CPS1: variants seen among roughly 807,000 people sequenced by gnomAD.
The protein encoded by CPS1 is carbamoyl-phosphate synthase [ammonia], mitochondrial.
CPS1 carries 109 observed loss-of-function variants against 174.6 expected under a neutral mutation model. The observed-to-expected ratio is 0.62, with a 90% CI of 0.53 to 0.73. The LOEUF is 0.73. CPS1 is among the 30% of genes least tolerant of loss of function. The pLI is 0.00. For missense variants in CPS1, 1,689 were observed against 1,821.9 expected, an observed-to-expected ratio of 0.93 and a Z score of 1.33; for synonymous variants, 637 against 632.0, an observed-to-expected ratio of 1.01 and a Z score of -0.12.
Position 210,594,600 on chromosome 2 carries a change from G to A in CPS1, c.1257G>A (p.Arg419=), listed in dbSNP as rs762316918. 3 of 1,609,354 alleles carry A rather than the reference G, an allele frequency of 1.9e-6. No individual in the cohort carries two copies. The South Asian group carries it at 3.3e-5, about 18-fold the overall frequency. The change falls in exon 12 of 38, where the codon CGG becomes CGA. Residue 419 remains arginine, a synonymous_variant. Transcript: ENST00000233072. The part of the protein sequence containing the change: ...VLPKPALVAS[R]VEVSKVLILG... ...CGAAGCCAGCACTAGTTGCATCTCG[G>A]GTTGAGGTCAGTATGTGGGCTTATT...
intron 1 of CPS1, among the ~76,000 whole-genome samples, chr2:210,538,452 T>C (rs1276990832): frequency 6.6e-6 from 1 of 152,072 alleles, no homozygotes; most frequent in East Asian, 1.9e-4. Context: ...TTATTTAATA[T>C]ATTAAAATGA....
Position 210,485,163 on chromosome 2 carries a change from G to A in CPS1, c.3+7397G>A, listed in dbSNP as rs1019331248. Among the ~76,000 whole-genome samples the A allele has an allele frequency of 4.0e-5, 6 of 151,350 alleles. No individual in the cohort carries two copies. The South Asian group carries it at 6.3e-4, about 16-fold the overall frequency. ...GGAGAATGGTGTGAACCCGGGAGGC[G>A]TGAGCTTGCAGTGAGCCAAGATGGT... is the stretch of plus-strand genomic sequence containing the variant. On this transcript the variant is annotated intron_variant, in intron 1 of 38. Coordinates refer to the CPS1 transcript ENST00000430249.
chr2:210,676,293 T>G (rs1192536964), intron 36 of CPS1, among the ~76,000 whole-genome samples: 1 of 152,242 alleles, frequency 6.6e-6, no homozygotes, highest in Non-Finnish European at 1.5e-5. Context: ...TGGTCATTCC[T>G]TGACCAGGTT....
At chr2:210,584,298 A>G (rs1698030287) in intron 6 of CPS1, among the ~76,000 whole-genome samples, 1 of 152,060 alleles carries the variant, frequency 6.6e-6, no homozygotes, top group South Asian at 2.1e-4. Flanking sequence ...GTTTATTTAT[A>G]CTATAGCAGA....
At chr2:210,512,427 C>G (rs1383627054) in intron 1 of CPS1, among the ~76,000 whole-genome samples, 1 of 151,832 alleles carries the variant, frequency 6.6e-6, no homozygotes, top group Non-Finnish European at 1.5e-5. Context: ...CAATGTTTAG[C>G]TCCCACTTAA....
chr2:210,630,264 A>G (rs998202695), intron 21 of CPS1, among the ~76,000 whole-genome samples: 3 of 152,152 alleles, frequency 2.0e-5, no homozygotes, highest in African/African-American at 7.2e-5. Flanking sequence ...TAAGAGTAAT[A>G]TCATGATATT....
chr2:210,593,181 C>T (rs76970017), intron 11 of CPS1, among the ~76,000 whole-genome samples: 96 of 151,930 alleles, frequency 6.3e-4, no homozygotes, highest in African/African-American at 1.6e-3. Context: ...AAACCCGAAG[C>T]GATGGTATTT....
intron 19 of CPS1, among the ~76,000 whole-genome samples, chr2:210,611,509 G>A (rs559110840): frequency 1.3e-4 from 20 of 151,918 alleles, no homozygotes; most frequent in African/African-American, 4.8e-4. Context: ...ATTGATTAGT[G>A]TATGATGAGC....
chr2:210,605,159 A>C lies in CPS1; in HGVS notation c.1894A>C (p.Ile632Leu), dbSNP rs758252357. 4 of 1,612,072 alleles carry C rather than the reference A, an allele frequency of 2.5e-6. No individual in the cohort carries two copies. The Admixed American group carries it at 6.7e-5, about 27-fold the overall frequency. Residue 632 changes from isoleucine (I) to leucine (L), a missense_variant, in exon 17 of 38, where the codon ATA (isoleucine) becomes CTA (leucine). Coordinates refer to ENST00000233072, the MANE Select transcript of CPS1 (RefSeq NM_001875.5). Reference protein sequence around the residue: ...VEKSVTGWKEIEYEVVRDADD... With the variant: ...VEKSVTGWKELEYEVVRDADD... ...GAAGTCAGTGACAGGTTGGAAAGAA[A>C]TAGAATATGAAGTGGTTCGAGATGC...
At chr2:210,563,424 C>T (rs1697171389) in intron 1 of CPS1, among the ~76,000 whole-genome samples, 1 of 152,114 alleles carries the variant, frequency 6.6e-6, no homozygotes, top group African/African-American at 2.4e-5. Context: ...CCATTTCAAC[C>T]TAAATATTGT....
chr2:210,562,986 T>C (rs1293294066), intron 1 of CPS1, among the ~76,000 whole-genome samples: 1 of 152,024 alleles, frequency 6.6e-6, no homozygotes, highest in East Asian at 1.9e-4. Flanking sequence ...TTTCTGTTCC[T>C]CCCATTTCAC....
intron 1 of CPS1, among the ~76,000 whole-genome samples, chr2:210,496,780 A>G (rs975403108): frequency 9.2e-5 from 14 of 152,278 alleles, no homozygotes; most frequent in African/African-American, 3.1e-4. Context: ...TTTGTCCCAC[A>G]GATAGCTGCA....
chr2:210,506,444 C>A (rs1259046595), intron 1 of CPS1, among the ~76,000 whole-genome samples: 2 of 152,082 alleles, frequency 1.3e-5, no homozygotes, highest in Non-Finnish European at 1.5e-5. Context: ...AAAAACAGAG[C>A]AGAAAAACTG....
chr2:210,607,813 G>C (rs1293415629), intron 18 of CPS1, among the ~76,000 whole-genome samples: 3 of 151,800 alleles, frequency 2.0e-5, no homozygotes, highest in African/African-American at 7.2e-5. Flanking sequence ...CTGACATTCT[G>C]GATGAAGATA....
chr2:210,659,420 A>G (rs945919193), intron 31 of CPS1, among the ~76,000 whole-genome samples: 6 of 152,002 alleles, frequency 3.9e-5, no homozygotes, highest in Non-Finnish European at 7.4e-5. Context: ...CTCCTACCAG[A>G]CTCTGATTAT....
At chr2:210,642,258 A>C (rs1198007520) in intron 24 of CPS1, among the ~76,000 whole-genome samples, 3 of 152,226 alleles carry the variant, frequency 2.0e-5, no homozygotes, top group African/African-American at 4.8e-5. Flanking sequence ...AATTTAGCAT[A>C]TATGACAAGC....
intron 30 of CPS1, 109 bp downstream of exon 30, chr2:210,656,741 G>T: frequency 1.3e-6 from 1 of 785,016 alleles, no homozygotes. Flanking sequence ...ATATGCTGCA[G>T]GTTAAATTTA....
intron 30 of CPS1, among the ~76,000 whole-genome samples, chr2:210,657,857 C>G (rs1389516822): frequency 2.6e-5 from 4 of 152,222 alleles, no homozygotes; most frequent in Admixed American, 2.0e-4. Flanking sequence ...AAATGTACTT[C>G]AGTTTCTCAT....
Position 210,518,590 on chromosome 2 carries a change from A to G in CPS1, c.4-38129A>G, listed in dbSNP as rs554205282. Among the ~76,000 whole-genome samples the G allele has an allele frequency of 6.0e-4, 91 of 152,138 alleles. 3 individuals carry two copies. In the South Asian group the frequency reaches 0.019, roughly 31 times the overall value. On this transcript the variant is annotated intron_variant, in intron 1 of 38. Coordinates refer to the CPS1 transcript ENST00000430249. ...GCTGAGGCACCAGCAGCCATGTTGG[A>G]CCTTGGGAAAGGAAGTCACGTAAGA...
Sources: gnomAD v4.1 joint callset for allele counts (sites outside exome capture counted in the v4.1 genomes callset) on GRCh38, gnomAD v4.1.1 for gene constraint, MANE v1.5 for transcripts, NCBI Gene and HGNC (gene_info 2026-07-23, HGNC 2026-07-21) for gene names.